The following TMPRSS15 variants were observed in gnomAD, a reference collection of about 807,000 sequenced individuals.
TMPRSS15 encodes the protein transmembrane serine protease 15, also known as enteropeptidase.
Under a neutral mutation model 125.3 loss-of-function variants are expected in TMPRSS15, and 128 were observed. The ratio of observed to expected loss-of-function variants is 1.02; its 90% CI spans 0.89 to 1.18. The LOEUF (loss-of-function observed/expected upper bound fraction) is 1.18. Ranked by LOEUF, TMPRSS15 falls within the 50% of genes most tolerant of loss-of-function variation. The pLI is 0.00. For missense variants in TMPRSS15, 1,283 were observed against 1,212.7 expected, an observed-to-expected ratio of 1.06 and a Z score of -0.86; for synonymous variants, 446 against 423.2, an observed-to-expected ratio of 1.05 and a Z score of -0.66.
chr21:18,350,008 T>C (rs940821142), intron 10 of TMPRSS15, among the ~76,000 whole-genome samples: 1 of 152,190 alleles, frequency 6.6e-6, no homozygotes, highest in Non-Finnish European at 1.5e-5. Flanking sequence ...GTATCTGTCA[T>C]AGTCAATAGA....
rs1226819722 is a variant in TMPRSS15, at chr21:18,403,605, G to A, written c.18C>T (p.Gly6=). The A allele has an allele frequency of 1.2e-6, 2 of 1,614,094 alleles. No individual in the cohort carries two copies. The highest frequency in any genetic ancestry group is 1.7e-6 in the Non-Finnish European group (2 of 1,179,984). MGSKR[G]ISSRHHSLSS... ...TGAGAGAATGATGCCTAGAAGATAT[G>A]CCTCTTTTCGACCCCATTTTTGGTT... The change falls in exon 1 of 25, where the codon GGC becomes GGT. Residue 6 remains glycine (G), a synonymous_variant. Transcript: ENST00000284885.
intron 18 of TMPRSS15, among the ~76,000 whole-genome samples, chr21:18,305,219 C>G (rs1420785393): frequency 8.9e-6 from 1 of 111,898 alleles, no homozygotes; most frequent in East Asian, 2.7e-4. Context: ...GACGGAGTCT[C>G]CCTCTGTCGC....
chr21:18,458,530 G>C (rs749130129), intron 1 of TMPRSS15, among the ~76,000 whole-genome samples: 1 of 152,130 alleles, frequency 6.6e-6, no homozygotes, highest in Non-Finnish European at 1.5e-5. Flanking sequence ...GAGGAGTTAC[G>C]GTTGTTTTCA....
intron 1 of TMPRSS15, among the ~76,000 whole-genome samples, chr21:18,398,620 A>G (rs546125191): frequency 6.4e-4 from 97 of 151,984 alleles, no homozygotes; most frequent in Non-Finnish European, 1.1e-3. Flanking sequence ...TATTATTGTT[A>G]TTGAGATTCC....
At chr21:18,415,972 G>A (rs374574059) in intron 1 of TMPRSS15, among the ~76,000 whole-genome samples, 2 of 151,848 alleles carry the variant, frequency 1.3e-5, no homozygotes, top group Admixed American at 6.6e-5. Context: ...CAAAATCAAC[G>A]TACAAAAAAT....
intron 21 of TMPRSS15, among the ~76,000 whole-genome samples, chr21:18,291,760 A>T (rs1467163378): frequency 6.6e-6 from 1 of 152,180 alleles, no homozygotes; most frequent in Non-Finnish European, 1.5e-5. Context: ...GAGAAAAAAA[A>T]AATAATTCCA....
chr21:18,435,370 C>T (rs1341774902), intron 1 of TMPRSS15, among the ~76,000 whole-genome samples: 1 of 152,158 alleles, frequency 6.6e-6, no homozygotes, highest in African/African-American at 2.4e-5. Flanking sequence ...AAGGCCTTTT[C>T]TGCATCTATG....
intron 1 of TMPRSS15, among the ~76,000 whole-genome samples, chr21:18,452,461 C>A (rs1283839427): frequency 6.6e-6 from 1 of 152,122 alleles, no homozygotes; most frequent in Non-Finnish European, 1.5e-5. Context: ...CCCAACAGCT[C>A]TAGACCAGCC....
At chr21:18,458,697 C>T (rs1042306947) in intron 1 of TMPRSS15, among the ~76,000 whole-genome samples, 4 of 152,054 alleles carry the variant, frequency 2.6e-5, no homozygotes, top group East Asian at 3.9e-4. Context: ...ATGGATTAAG[C>T]GTTAGTTCTA....
At chr21:18,416,801 T>A (rs2076181428) in intron 1 of TMPRSS15, among the ~76,000 whole-genome samples, 1 of 152,052 alleles carries the variant, frequency 6.6e-6, no homozygotes, top group South Asian at 2.1e-4. Flanking sequence ...GTACATACAT[T>A]TCATGCCCTA....
chr21:18,304,881 T>G (rs114127046), intron 18 of TMPRSS15, among the ~76,000 whole-genome samples: 1,678 of 152,312 alleles, frequency 0.011, 29 homozygotes, highest in African/African-American at 0.039. Flanking sequence ...TGTGTAATTA[T>G]ATTCTTATTA....
intron 16 of TMPRSS15, among the ~76,000 whole-genome samples, chr21:18,321,521 A>T (rs1473141869): frequency 2.0e-5 from 3 of 151,576 alleles, no homozygotes; most frequent in Non-Finnish European, 2.9e-5. Flanking sequence ...CCCAGCTAAT[A>T]TTTTGTATTA....
chr21:18,368,805 G>A (rs1038155638), intron 6 of TMPRSS15, among the ~76,000 whole-genome samples: 9 of 152,126 alleles, frequency 5.9e-5, no homozygotes, highest in African/African-American at 2.2e-4. Flanking sequence ...ATTCCTAAAT[G>A]TATTTAAAAT....
intron 1 of TMPRSS15, among the ~76,000 whole-genome samples, chr21:18,456,990 T>C (rs565988287): frequency 6.6e-6 from 1 of 152,044 alleles, no homozygotes; most frequent in Non-Finnish European, 1.5e-5. Context: ...GGCAATAGAA[T>C]GTTAGGTTTA....
At chr21:18,372,161 C>G in intron 6 of TMPRSS15, 32 bp downstream of exon 6, 1 of 1,521,102 alleles carries the variant, frequency 6.6e-7, no homozygotes, top group South Asian at 1.1e-5. Context: ...GAGGATAAAA[C>G]AGAAGGGGAG....
intron 19 of TMPRSS15, among the ~76,000 whole-genome samples, chr21:18,295,252 C>T (rs1188779221): frequency 6.6e-6 from 1 of 152,182 alleles, no homozygotes; most frequent in Admixed American, 6.5e-5. Context: ...AAACTCATCA[C>T]CTGCTTAGAA....
intron 1 of TMPRSS15, among the ~76,000 whole-genome samples, chr21:18,471,370 G>A (rs1568736457): frequency 6.6e-6 from 1 of 151,838 alleles, no homozygotes; most frequent in Non-Finnish European, 1.5e-5. Context: ...GTTGTGTTTA[G>A]TATATAGAAC....
chr21:18,302,908 T>TTTTGTTTG (rs756120880), intron 18 of TMPRSS15, among the ~76,000 whole-genome samples: 4 of 152,072 alleles, frequency 2.6e-5, no homozygotes, highest in Admixed American at 6.6e-5. Flanking sequence ...TTGGAGTTCC[T>TTTTGTTTG]TTTGTTTGTT....
intron 3 of TMPRSS15, among the ~76,000 whole-genome samples, chr21:18,386,626 C>T (rs111498616): frequency 3.3e-5 from 5 of 152,044 alleles, no homozygotes; most frequent in Non-Finnish European, 7.4e-5. Context: ...TACATTATGT[C>T]TTCCTAATCA....
Sources: allele counts gnomAD v4.1 joint callset (sites outside exome capture counted in the v4.1 genomes callset), GRCh38; gene constraint gnomAD v4.1.1; transcripts MANE v1.5; gene names NCBI Gene and HGNC (gene_info 2026-07-23, HGNC 2026-07-21).